FBXL20: variants seen among roughly 807,000 people sequenced by gnomAD.
FBXL20 encodes the protein F-box/LRR-repeat protein 20.
Under a neutral mutation model 64.0 loss-of-function variants are expected in FBXL20, and 11 were observed. The ratio of observed to expected loss-of-function variants is 0.17; its 90% CI spans 0.11 to 0.28. The LOEUF is 0.28. Ranked by LOEUF, FBXL20 falls within the 10% of genes least tolerant of loss-of-function variation. The pLI, the probability that FBXL20 is intolerant of heterozygous loss-of-function variation, is 1.00. For missense variants in FBXL20, 303 were observed against 526.2 expected (o/e 0.58, Z 4.15); for synonymous variants, 184 against 189.0 (o/e 0.97, Z 0.22).
intron 5 of FBXL20, chr17:39,297,397 G>A (rs2047095806): frequency 2.8e-6 from 1 of 362,194 alleles, no homozygotes; most frequent in Non-Finnish European, 5.0e-6. Context: ...CTGAGTGATA[G>A]TATCTTTTGT....
intron 2 of FBXL20, among the ~76,000 whole-genome samples, chr17:39,314,301 A>G (rs1395761190): frequency 2.0e-5 from 3 of 152,138 alleles, no homozygotes; most frequent in African/African-American, 7.2e-5. Flanking sequence ...TACTGTATCC[A>G]TTCTCCAGTT....
intron 2 of FBXL20, among the ~76,000 whole-genome samples, chr17:39,329,547 C>A (rs1244733541): frequency 6.6e-6 from 1 of 152,128 alleles, no homozygotes; most frequent in African/African-American, 2.4e-5. Flanking sequence ...TGCTCGTTAT[C>A]TTCACTTTGA....
chr17:39,401,638 T>C, upstream of FBXL20: 1 of 1,366,218 alleles, frequency 7.3e-7, no homozygotes, highest in Non-Finnish European at 9.4e-7. Flanking sequence ...CAGCCTCAAC[T>C]TCAACCCAAA....
At chr17:39,284,924 C>T (rs893127754) in intron 7 of FBXL20, among the ~76,000 whole-genome samples, 4 of 122,722 alleles carry the variant, frequency 3.3e-5, no homozygotes, top group African/African-American at 1.3e-4. Flanking sequence ...AGCTATAACA[C>T]GTGCCCTTTC....
chr17:39,286,430 G>A (rs1054197421), intron 6 of FBXL20, among the ~76,000 whole-genome samples: 1 of 152,004 alleles, frequency 6.6e-6, no homozygotes, highest in Non-Finnish European at 1.5e-5. Flanking sequence ...AGCCAGGCTG[G>A]TCTCCAACTC....
At chr17:39,339,812 T>A (rs2144563709) in intron 2 of FBXL20, among the ~76,000 whole-genome samples, 1 of 150,632 alleles carries the variant, frequency 6.6e-6, no homozygotes, top group Admixed American at 6.6e-5. Flanking sequence ...CCTGGCTAAT[T>A]TTTTTTTTGT....
In FBXL20 at chr17:39,339,754, C is replaced by T. The variant is rs2047563993; in HGVS notation, c.104+3426G>A. Among the ~76,000 whole-genome samples the T allele has an allele frequency of 2.0e-5, 3 of 152,034 alleles. No individual in the cohort carries two copies. In the South Asian group the frequency reaches 6.2e-4, roughly 31 times the overall value. On this transcript the variant is annotated intron_variant, in intron 2 of 14. Transcript: ENST00000264658. Reference sequence around the variant, plus strand: ...CCTCCACCTGCAGGGTTCGATTCCCCTGTCTCAGCCTCCCGAGTAGCTGGG... The same window carrying T: ...CCTCCACCTGCAGGGTTCGATTCCCTTGTCTCAGCCTCCCGAGTAGCTGGG...
intron 1 of FBXL20, among the ~76,000 whole-genome samples, chr17:39,363,879 A>G (rs1174716779): frequency 7.6e-6 from 1 of 130,818 alleles, no homozygotes; most frequent in Non-Finnish European, 1.6e-5. Flanking sequence ...CCAATGAATC[A>G]TATCTTTTTT....
At chr17:39,347,683 T>C (rs1344339680) in intron 1 of FBXL20, among the ~76,000 whole-genome samples, 1 of 152,220 alleles carries the variant, frequency 6.6e-6, no homozygotes, top group Non-Finnish European at 1.5e-5. Context: ...GTGCAGAAGC[T>C]CTTTAGTTTA....
intron 4 of FBXL20, 103 bp downstream of exon 4, chr17:39,300,898 G>A (rs1038629651): frequency 1.5e-4 from 164 of 1,088,780 alleles, no homozygotes; most frequent in Non-Finnish European, 2.1e-4. Flanking sequence ...GAAAATAATA[G>A]TTCCTCTCTT....
At chr17:39,369,545 G>A (rs555305500) in intron 1 of FBXL20, among the ~76,000 whole-genome samples, 5 of 152,174 alleles carry the variant, frequency 3.3e-5, no homozygotes, top group African/African-American at 1.2e-4. Flanking sequence ...AAGAGACGGG[G>A]TTTCACCATG....
intron 2 of FBXL20, among the ~76,000 whole-genome samples, chr17:39,314,184 T>C (rs946831116): frequency 6.6e-6 from 1 of 152,210 alleles, no homozygotes; most frequent in Non-Finnish European, 1.5e-5. Context: ...GGAATAATAC[T>C]GTAATGAAGA....
rs545812430 is a variant in FBXL20 at position 39,373,086 on chromosome 17, T to C, written c.42+28275A>G. 3.3e-5 allele frequency among the ~76,000 whole-genome samples: 5 copies of C among 152,028 alleles called. No individual in the cohort carries two copies. The East Asian group carries it at 7.7e-4, about 23-fold the overall frequency. On this transcript the variant is annotated intron_variant, in intron 1 of 14. Coordinates refer to ENST00000264658, the MANE Select transcript of FBXL20 (RefSeq NM_032875.3). ...TCTCTGTGGCTTCACATCGTCTATA[T>C]AGAAACCTACCCATTTTTAATGCTC...
At chr17:39,385,596 T>C (rs2048070235) in intron 1 of FBXL20, among the ~76,000 whole-genome samples, 1 of 152,184 alleles carries the variant, frequency 6.6e-6, no homozygotes, top group Non-Finnish European at 1.5e-5. Flanking sequence ...GACTTGAGGC[T>C]ACTGTAAGAA....
At chr17:39,294,279 C>CTTT (rs2144424462) in intron 6 of FBXL20, among the ~76,000 whole-genome samples, 1 of 151,776 alleles carries the variant, frequency 6.6e-6, no homozygotes, top group African/African-American at 2.4e-5. Context: ...CTGGCTGCTT[C>CTTT]TTTATTATTT....
chr17:39,354,686 T>C (rs1304894104), intron 1 of FBXL20, among the ~76,000 whole-genome samples: 1 of 152,158 alleles, frequency 6.6e-6, no homozygotes, highest in Non-Finnish European at 1.5e-5. Flanking sequence ...TTTGTGGCTT[T>C]TTCACTACGT....
At position 39,389,642 on chromosome 17, in the gene FBXL20, C is replaced by A. The variant is rs1427655549; in HGVS notation, c.42+11719G>T. On this transcript the variant is annotated intron_variant, in intron 1 of 14. Coordinates refer to ENST00000264658, the MANE Select transcript of FBXL20 (RefSeq NM_032875.3). Reference sequence around the variant, plus strand: ...GACCATCCTGGCTAACACGGTGAAACCCTGTCTCTACTAAAAATACAAAAA... The same window carrying A: ...GACCATCCTGGCTAACACGGTGAAAACCTGTCTCTACTAAAAATACAAAAA... Among the ~76,000 whole-genome samples, 4 of 152,180 alleles carry A rather than the reference C, an allele frequency of 2.6e-5. No individual in the cohort carries two copies. The East Asian group carries it at 5.8e-4, about 22-fold the overall frequency.
chr17:39,271,906 A>G (rs576528770), intron 10 of FBXL20, among the ~76,000 whole-genome samples: 2 of 152,154 alleles, frequency 1.3e-5, no homozygotes, highest in African/African-American at 2.4e-5. Context: ...ACTGAAGTTG[A>G]AAAAAATTGA....
intron 5 of FBXL20, 71 bp downstream of exon 5, chr17:39,298,919 A>T: frequency 8.2e-7 from 1 of 1,215,266 alleles, no homozygotes; most frequent in East Asian, 2.3e-5. Context: ...TAACGATTTT[A>T]GCCTTTTCTG....
Sources: gnomAD v4.1 joint callset for allele counts (sites outside exome capture counted in the v4.1 genomes callset) on GRCh38, gnomAD v4.1.1 for gene constraint, MANE v1.5 for transcripts, NCBI Gene and HGNC (gene_info 2026-07-23, HGNC 2026-07-21) for gene names.